Variants in CCR3 observed in about 807,000 individuals in gnomAD.
CCR3 encodes the protein C-C chemokine receptor type 3.
For synonymous variants in CCR3, 203 were observed against 179.2 expected (o/e 1.13, Z -1.06); for missense variants, 419 against 437.5 (o/e 0.96, Z 0.38).
intron 2 of CCR3, among the ~76,000 whole-genome samples, chr3:46,225,094 T>G (rs1013657399): frequency 1.3e-5 from 2 of 152,178 alleles, no homozygotes; most frequent in African/African-American, 4.8e-5. Context: ...CTATATATAG[T>G]AATATAAAAG....
intron 1 of CCR3, among the ~76,000 whole-genome samples, chr3:46,262,472 T>C (rs1700543842): frequency 6.6e-6 from 1 of 152,172 alleles, no homozygotes; most frequent in Non-Finnish European, 1.5e-5. Context: ...GTTTTTGTGC[T>C]CTTCTTTCTT....
At chr3:46,232,032 T>C (rs1699970504) in intron 2 of CCR3, among the ~76,000 whole-genome samples, 1 of 152,256 alleles carries the variant, frequency 6.6e-6, no homozygotes, top group Admixed American at 6.5e-5. Context: ...AATTAGGAAG[T>C]ATTTTCCATA....
intron 2 of CCR3, among the ~76,000 whole-genome samples, chr3:46,217,880 G>T (rs1334579223): frequency 6.6e-6 from 1 of 151,444 alleles, no homozygotes; most frequent in African/African-American, 2.4e-5. Flanking sequence ...AGCACAAATA[G>T]ACACCTAAGG....
chr3:46,250,122 G>C (rs187484020), intron 1 of CCR3, among the ~76,000 whole-genome samples: 2 of 152,076 alleles, frequency 1.3e-5, no homozygotes, highest in Non-Finnish European at 2.9e-5. Context: ...GAGCCTAAAC[G>C]CTTCTGATTT....
At chr3:46,228,237 A>G (rs1699925971) in intron 2 of CCR3, among the ~76,000 whole-genome samples, 1 of 150,658 alleles carries the variant, frequency 6.6e-6, no homozygotes. Flanking sequence ...TTCTTCCTAG[A>G]TCTTACATTG....
At chr3:46,233,211 C>T (rs1699985897) in intron 2 of CCR3, among the ~76,000 whole-genome samples, 2 of 152,160 alleles carry the variant, frequency 1.3e-5, no homozygotes, top group South Asian at 4.1e-4. Flanking sequence ...GGATTGCCAA[C>T]GTGCTAGAGA....
At chr3:46,245,405 C>T (rs937977519) in intron 1 of CCR3, among the ~76,000 whole-genome samples, 2 of 149,076 alleles carry the variant, frequency 1.3e-5, no homozygotes, top group South Asian at 2.2e-4. Flanking sequence ...GAAGAACTAT[C>T]GTATCATAGA....
intron 2 of CCR3, among the ~76,000 whole-genome samples, chr3:46,220,948 C>G (rs1207675600): frequency 6.6e-6 from 1 of 152,138 alleles, no homozygotes; most frequent in East Asian, 1.9e-4. Context: ...GAAATCACAC[C>G]TAAGGAACTT....
At chr3:46,254,246 A>G (rs1183682177) in intron 1 of CCR3, among the ~76,000 whole-genome samples, 2 of 152,106 alleles carry the variant, frequency 1.3e-5, no homozygotes, top group Non-Finnish European at 2.9e-5. Flanking sequence ...TCGACAACAA[A>G]CTCCCCTCTG....
chr3:46,266,142 C>G lies in CCR3; in HGVS notation c.984C>G (p.Ile328Met), dbSNP rs750560685. Residue 328 changes from isoleucine to methionine, a missense_variant, in exon 2 of 2, where the codon ATC becomes ATG. Ile to Met is a conservative substitution (Grantham distance 10). Coordinates refer to ENST00000395940, the MANE Select transcript of CCR3 (RefSeq NM_178329.3). The stretch of plus-strand genomic sequence containing the variant: ...TGCTCATGCACCTGGGCAGATACAT[C>G]CCATTCCTTCCTAGTGAGAAGCTGG... ...RHLLMHLGRY[I>M]PFLPSEKLER... 1 of 1,614,066 alleles carries G rather than the reference C, an allele frequency of 6.2e-7. No homozygotes were observed. Among genetic ancestry groups the G allele is most frequent in the Non-Finnish European group, 8.5e-7 (1 of 1,179,948 alleles).
chr3:46,217,035 G>T (rs190682443), intron 2 of CCR3, among the ~76,000 whole-genome samples: 19 of 152,214 alleles, frequency 1.2e-4, no homozygotes, highest in African/African-American at 4.3e-4. Flanking sequence ...TGGCCTAAAT[G>T]CTTCACTTAA....
intron 2 of CCR3, among the ~76,000 whole-genome samples, chr3:46,213,170 C>A (rs1699736835): frequency 6.6e-6 from 1 of 152,172 alleles, no homozygotes; most frequent in Admixed American, 6.5e-5. Flanking sequence ...AACTCAGGGG[C>A]TTGAAATCAC....
At chr3:46,215,752 CAGAGGACCA>C (rs1699767258) in intron 2 of CCR3, among the ~76,000 whole-genome samples, 1 of 152,166 alleles carries the variant, frequency 6.6e-6, no homozygotes, top group Non-Finnish European at 1.5e-5. Flanking sequence ...TGGAGTCTGC[CAGAGGACCA>C]AGAGGGCTGG....
In CCR3 at chr3:46,264,060, C is replaced by T. The variant is rs28361974; in HGVS notation, c.-11-1088C>T. ...GCATGGCTTAACTGTCCTTCCATGA[C>T]TCCTGCCTTATCTGTTTTCTATTTT... On this transcript the variant is annotated intron_variant, in intron 1 of 1. Coordinates refer to ENST00000395940, the MANE Select transcript of CCR3 (RefSeq NM_178329.3). 6.4e-3 allele frequency: 1,767 copies of T among 277,326 alleles called. 36 individuals carry two copies. The highest frequency in any genetic ancestry group is 0.036 in the African/African-American group (1,553 of 43,080). The allele number at this position is 277,326 out of a possible 1,614,324, so 17.2% of individuals were successfully genotyped here.
upstream of CCR3, chr3:46,242,457 G>A (rs1268089137): frequency 6.6e-6 from 1 of 152,140 alleles, no homozygotes; most frequent in Non-Finnish European, 1.5e-5. Flanking sequence ...TAAATTAGCA[G>A]GTACCACTGG....
intron 2 of CCR3, among the ~76,000 whole-genome samples, chr3:46,226,132 GT>G (rs1699892592): frequency 6.6e-6 from 1 of 151,968 alleles, no homozygotes; most frequent in Non-Finnish European, 1.5e-5. Flanking sequence ...CTTTATTATT[GT>G]TTTTCAAAAT....
At chr3:46,245,357 A>G (rs961652646) in intron 1 of CCR3, among the ~76,000 whole-genome samples, 5 of 148,974 alleles carry the variant, frequency 3.4e-5, no homozygotes, top group East Asian at 2.0e-4. Flanking sequence ...AAGGTCATCA[A>G]ATTTCTGCTC....
chr3:46,250,158 C>T (rs1182570733), intron 1 of CCR3, among the ~76,000 whole-genome samples: 1 of 152,066 alleles, frequency 6.6e-6, no homozygotes, highest in Non-Finnish European at 1.5e-5. Context: ...GAGCATTAAC[C>T]TTGACTATGC....
In CCR3 at chr3:46,265,838, T is replaced by C; in HGVS notation, c.680T>C (p.Leu227Pro). 6.2e-7 allele frequency: 1 copy of C among 1,614,102 alleles called. No homozygotes were observed. Among genetic ancestry groups the C allele is most frequent in the Non-Finnish European group, 8.5e-7 (1 of 1,179,996 alleles). The change falls in exon 2 of 2, where the codon CTG (leucine) becomes CCG (proline). Residue 227 changes from leucine (L) to proline (P), a missense_variant. By Grantham distance (98) the Leu-to-Pro change is moderately conservative (BLOSUM62 -3). Coordinates refer to ENST00000395940, the MANE Select transcript of CCR3 (RefSeq NM_178329.3). The part of the protein sequence containing the change: ...ICYTGIIKTL[L>P]RCPSKKKYKA... The stretch of plus-strand genomic sequence containing the variant: ...TACACAGGAATCATCAAAACGCTGC[T>C]GAGGTGCCCCAGTAAAAAAAAGTAC...
Sources: gnomAD v4.1 joint callset for allele counts (sites outside exome capture counted in the v4.1 genomes callset) on GRCh38, gnomAD v4.1.1 for gene constraint, MANE v1.5 for transcripts, NCBI Gene and HGNC (gene_info 2026-07-23, HGNC 2026-07-21) for gene names.